The following DENND5A variants were observed in gnomAD, a reference collection of about 807,000 sequenced individuals.
The protein encoded by DENND5A is DENN domain-containing protein 5A.
DENND5A carries 64 observed loss-of-function variants against 140.3 expected under a neutral mutation model. The ratio of observed to expected loss-of-function variants is 0.46; its 90% CI spans 0.37 to 0.56. The LOEUF is 0.56. Among genes scored for constraint, DENND5A ranks in the 20% least tolerant of loss-of-function variants. The probability of loss-of-function intolerance (pLI) is 0.00; values close to 1 mark genes in which losing one functional copy is unlikely to be tolerated. For missense variants in DENND5A, 1,292 were observed against 1,593.8 expected, an observed-to-expected ratio of 0.81 and a Z score of 3.22; for synonymous variants, 605 against 607.7, an observed-to-expected ratio of 1.00 and a Z score of 0.07.
intron 8 of DENND5A, among the ~76,000 whole-genome samples, chr11:9,177,688 T>C (rs1374621080): frequency 2.7e-5 from 4 of 149,418 alleles, no homozygotes; most frequent in Non-Finnish European, 5.9e-5. Context: ...AAGAAAGAGC[T>C]TCTGTAACCA....
At chr11:9,197,465 G>A (rs113937066) in intron 4 of DENND5A, among the ~76,000 whole-genome samples, 4,639 of 150,828 alleles carry the variant, frequency 0.031, 232 homozygotes, top group African/African-American at 0.1. Context: ...GGAGGCCAAG[G>A]TGGCCAGTTC....
At chr11:9,152,100 A>G (rs1229410511) in intron 13 of DENND5A, among the ~76,000 whole-genome samples, 1 of 152,222 alleles carries the variant, frequency 6.6e-6, no homozygotes, top group Non-Finnish European at 1.5e-5. Flanking sequence ...ACCCATATTC[A>G]TTCTGAGACT....
At chr11:9,142,536 A>G (rs1249910690) in intron 21 of DENND5A, among the ~76,000 whole-genome samples, 186 bp downstream of exon 21, 1 of 152,192 alleles carries the variant, frequency 6.6e-6, no homozygotes, top group Admixed American at 6.5e-5. Context: ...AGAGGTAAGC[A>G]TTTACCAAGG....
intron 15 of DENND5A, 90 bp downstream of exon 15, chr11:9,149,991 A>C: frequency 6.7e-7 from 1 of 1,502,148 alleles, no homozygotes; most frequent in Non-Finnish European, 8.9e-7. Flanking sequence ...CAGCAATGTC[A>C]CACTGAATAC....
intron 1 of DENND5A, among the ~76,000 whole-genome samples, chr11:9,251,185 T>A (rs1390595079): frequency 1.3e-5 from 2 of 150,498 alleles, no homozygotes; most frequent in Non-Finnish European, 3.0e-5. Flanking sequence ...GAATCCCACA[T>A]TCACAGAGGA....
chr11:9,181,177 A>AC, intron 5 of DENND5A, 93 bp from the exon 6 acceptor site: 4 of 1,057,702 alleles, frequency 3.8e-6, no homozygotes, highest in Non-Finnish European at 5.5e-6. Context: ...GGCAAAAACA[A>AC]AACACCTGAA....
intron 4 of DENND5A, among the ~76,000 whole-genome samples, chr11:9,200,545 T>C (rs528549103): frequency 7.9e-5 from 12 of 152,334 alleles, no homozygotes; most frequent in Admixed American, 7.2e-4. Context: ...AAAATCTGGG[T>C]CCTCATCAAT....
rs565209018 is a variant in DENND5A, at chr11:9,226,118, C to A, written c.110-18486G>T. 1.2e-4 allele frequency among the ~76,000 whole-genome samples: 18 copies of A among 151,304 alleles called. 1 individual carries two copies. The East Asian group carries it at 3.3e-3, about 28-fold the overall frequency. On this transcript the variant is annotated intron_variant, in intron 1 of 22. Transcript: ENST00000328194. ...ATCATCATTATCATCATCATCATCA[C>A]CATTATCATCAATCAGGTCTTTTTC...
chr11:9,162,607 T>G (rs973912324), intron 11 of DENND5A, among the ~76,000 whole-genome samples: 1 of 152,100 alleles, frequency 6.6e-6, no homozygotes, highest in African/African-American at 2.4e-5. Context: ...TCCATTCACC[T>G]TCCCACTCTA....
At chr11:9,192,349 C>A (rs1441744309) in intron 5 of DENND5A, among the ~76,000 whole-genome samples, 1 of 152,218 alleles carries the variant, frequency 6.6e-6, no homozygotes, top group African/African-American at 2.4e-5. Context: ...CTACCCCCGG[C>A]CGGGCGCGGT....
chr11:9,231,477 A>G (rs1434915325), intron 1 of DENND5A, among the ~76,000 whole-genome samples: 1 of 151,924 alleles, frequency 6.6e-6, no homozygotes, highest in Non-Finnish European at 1.5e-5. Flanking sequence ...GCACTTTGGG[A>G]GGCAGAGGCA....
At chr11:9,189,451 A>C (rs1413325334) in intron 5 of DENND5A, among the ~76,000 whole-genome samples, 2 of 152,140 alleles carry the variant, frequency 1.3e-5, no homozygotes, top group African/African-American at 4.8e-5. Context: ...TTCAGACCCC[A>C]GAATGGTAGA....
intron 10 of DENND5A, among the ~76,000 whole-genome samples, chr11:9,166,633 A>C (rs1356382609): frequency 6.6e-6 from 1 of 151,926 alleles, no homozygotes; most frequent in Non-Finnish European, 1.5e-5. Context: ...GGAGTTCAAG[A>C]CCAGCCTGGC....
intron 5 of DENND5A, among the ~76,000 whole-genome samples, chr11:9,184,690 G>A (rs1028405941): frequency 1.3e-5 from 2 of 152,164 alleles, no homozygotes; most frequent in Non-Finnish European, 2.9e-5. Flanking sequence ...TCACTTCCCT[G>A]ATTAAGAAAT....
At position 9,139,105 on chromosome 11, in the gene DENND5A, A is replaced by G. The variant is rs931219024; in HGVS notation, c.*566T>C. On this transcript the variant is annotated 3_prime_UTR_variant, in exon 23 of 23. Transcript: ENST00000328194. ...ATTTGGCACGATGACACATCCCGGC[A>G]TGTCTCCTTCCCAAACAATACTGAC... 9.2e-5 allele frequency: 14 copies of G among 152,704 alleles called. No individual in the cohort carries two copies. The highest frequency in any genetic ancestry group is 3.1e-4 in the African/African-American group (13 of 41,456). The allele number at this position is 152,704 out of a possible 1,614,324, so 9.5% of individuals were successfully genotyped here. A position where few individuals can be genotyped will look rare whatever the true frequency, so the allele number is the denominator to read the frequency against.
At chr11:9,217,232 T>C (rs1850127018) in intron 1 of DENND5A, among the ~76,000 whole-genome samples, 3 of 152,144 alleles carry the variant, frequency 2.0e-5, no homozygotes, top group South Asian at 4.1e-4. Flanking sequence ...TAAAATGTCC[T>C]GGCCAGGCGC....
At chr11:9,247,249 C>G (rs1401536104) in intron 1 of DENND5A, among the ~76,000 whole-genome samples, 6 of 150,480 alleles carry the variant, frequency 4.0e-5, no homozygotes, top group Non-Finnish European at 8.9e-5. Flanking sequence ...AAAAAAAAAC[C>G]CTTGCCTGCA....
intron 22 of DENND5A, 88 bp downstream of exon 22, chr11:9,141,852 G>T: frequency 7.8e-7 from 1 of 1,286,788 alleles, no homozygotes; most frequent in Non-Finnish European, 1.0e-6. Flanking sequence ...CACCTGATGA[G>T]CCATTCCTCA....
chr11:9,230,518 A>T (rs1386636853), intron 1 of DENND5A, among the ~76,000 whole-genome samples: 1 of 152,010 alleles, frequency 6.6e-6, no homozygotes, highest in Admixed American at 6.6e-5. Context: ...TGGGATTACA[A>T]GTGTGAGCCA....
Sources: allele counts gnomAD v4.1 joint callset (sites outside exome capture counted in the v4.1 genomes callset), GRCh38; gene constraint gnomAD v4.1.1; transcripts MANE v1.5; gene names NCBI Gene and HGNC (gene_info 2026-07-23, HGNC 2026-07-21).